The following ST6GALNAC3 variants were observed in gnomAD, a reference collection of about 807,000 sequenced individuals.
The protein encoded by ST6GALNAC3 is alpha-N-acetylgalactosaminide alpha-2,6-sialyltransferase 3.
In ST6GALNAC3, 25 loss-of-function variants were observed where a neutral mutation model predicts 32.7. The observed-to-expected ratio is 0.76, with a 90% CI of 0.56 to 1.07. ST6GALNAC3 has a LOEUF of 1.07. Ranked by LOEUF, ST6GALNAC3 falls within the 50% of genes least tolerant of loss-of-function variation. ST6GALNAC3 has a pLI of 0.00. For missense variants in ST6GALNAC3, 355 were observed against 382.4 expected (o/e 0.93, Z 0.60); for synonymous variants, 129 against 133.1 (o/e 0.97, Z 0.21).
chr1:76,518,990 C>T (rs896653696), intron 3 of ST6GALNAC3, among the ~76,000 whole-genome samples: 12 of 152,030 alleles, frequency 7.9e-5, no homozygotes, highest in Non-Finnish European at 1.6e-4. Flanking sequence ...CACTTGAACC[C>T]GGAAGGCAGA....
chr1:76,209,334 T>C (rs1390344240), intron 1 of ST6GALNAC3, among the ~76,000 whole-genome samples: 1 of 152,210 alleles, frequency 6.6e-6, no homozygotes, highest in Non-Finnish European at 1.5e-5. Flanking sequence ...CTTCATAAGC[T>C]CTGGCTTTTA....
At chr1:76,354,792 G>A (rs868456986) in intron 2 of ST6GALNAC3, among the ~76,000 whole-genome samples, 5 of 152,098 alleles carry the variant, frequency 3.3e-5, no homozygotes, top group Admixed American at 6.6e-5. Context: ...ACAATTCCAC[G>A]TTTATCTACA....
chr1:76,375,887 G>A (rs962769760), intron 2 of ST6GALNAC3, among the ~76,000 whole-genome samples: 1 of 152,168 alleles, frequency 6.6e-6, no homozygotes, highest in South Asian at 2.1e-4. Flanking sequence ...AGGGGAAAGT[G>A]TGCATAGTGT....
intron 3 of ST6GALNAC3, among the ~76,000 whole-genome samples, chr1:76,552,899 A>G (rs1664720200): frequency 6.6e-6 from 1 of 152,172 alleles, no homozygotes; most frequent in Non-Finnish European, 1.5e-5. Flanking sequence ...CAAGTTTAGA[A>G]AGTTACCTTT....
intron 2 of ST6GALNAC3, among the ~76,000 whole-genome samples, chr1:76,369,362 C>T (rs907956308): frequency 3.9e-5 from 6 of 152,162 alleles, no homozygotes; most frequent in African/African-American, 7.2e-5. Flanking sequence ...GCAGGTAGAA[C>T]AACAACTAAT....
chr1:76,328,913 T>C (rs1647133146), intron 2 of ST6GALNAC3, among the ~76,000 whole-genome samples: 1 of 152,218 alleles, frequency 6.6e-6, no homozygotes, highest in South Asian at 2.1e-4. Flanking sequence ...TGACTCCAAT[T>C]GCCCTCATCA....
At chr1:76,317,075 A>C (rs1334337783) in intron 2 of ST6GALNAC3, among the ~76,000 whole-genome samples, 2 of 152,168 alleles carry the variant, frequency 1.3e-5, no homozygotes, top group Non-Finnish European at 2.9e-5. Context: ...AAAATTTTGC[A>C]TGAAAGTTGA....
chr1:76,105,725 C>G (rs988633063), intron 1 of ST6GALNAC3, among the ~76,000 whole-genome samples: 1 of 152,078 alleles, frequency 6.6e-6, no homozygotes, highest in African/African-American at 2.4e-5. Context: ...TACTATTTGC[C>G]TCAAGTGAGT....
chr1:76,282,018 A>G (rs1374003238), intron 1 of ST6GALNAC3, among the ~76,000 whole-genome samples: 1 of 152,194 alleles, frequency 6.6e-6, no homozygotes, highest in South Asian at 2.1e-4. Context: ...TGCATGAAAA[A>G]TAGACTTTTA....
intron 1 of ST6GALNAC3, among the ~76,000 whole-genome samples, chr1:76,208,642 A>T (rs1654967662): frequency 6.6e-6 from 1 of 152,156 alleles, no homozygotes; most frequent in Non-Finnish European, 1.5e-5. Context: ...CCCACATATG[A>T]GTCCATATAG....
intron 1 of ST6GALNAC3, among the ~76,000 whole-genome samples, chr1:76,257,059 T>G (rs1657964051): frequency 6.6e-6 from 1 of 152,176 alleles, no homozygotes; most frequent in South Asian, 2.1e-4. Flanking sequence ...GGGAATTTTC[T>G]TATCTGTTAC....
chr1:76,529,279 C>G (rs773987680), intron 3 of ST6GALNAC3, among the ~76,000 whole-genome samples: 3 of 152,074 alleles, frequency 2.0e-5, no homozygotes, highest in Non-Finnish European at 2.9e-5. Flanking sequence ...TAATTATTTT[C>G]TTCCTTCTTT....
At chr1:76,084,312 T>C (rs2100730651) in intron 1 of ST6GALNAC3, among the ~76,000 whole-genome samples, 1 of 152,350 alleles carries the variant, frequency 6.6e-6, no homozygotes, top group South Asian at 2.1e-4. Context: ...CTTGAAATTT[T>C]ATCTGAAAAT....
chr1:76,302,987 G>T lies in ST6GALNAC3; in HGVS notation c.19-10818G>T, dbSNP rs1302761086. 2.0e-5 allele frequency among the ~76,000 whole-genome samples: 3 copies of T among 151,962 alleles called. No homozygotes were observed. In the East Asian group the frequency reaches 5.8e-4, roughly 29 times the overall value. On this transcript the variant is annotated intron_variant, in intron 1 of 4. Transcript: ENST00000328299. ...AATACCCCCTAGAGGTTTCCCATTA[G>T]CCTGATGTAAATGAAGTGGTGTTCA... is the stretch of plus-strand genomic sequence containing the variant.
At chr1:76,511,543 G>A (rs936982736) in intron 3 of ST6GALNAC3, among the ~76,000 whole-genome samples, 4 of 152,138 alleles carry the variant, frequency 2.6e-5, no homozygotes, top group Admixed American at 6.6e-5. Flanking sequence ...GTTCTCCCCG[G>A]TAGGTTTAAA....
At chr1:76,351,133 G>T (rs1648943343) in intron 2 of ST6GALNAC3, among the ~76,000 whole-genome samples, 1 of 151,932 alleles carries the variant, frequency 6.6e-6, no homozygotes, top group Non-Finnish European at 1.5e-5. Context: ...ACAAAGATTC[G>T]GCTACATTTT....
intron 1 of ST6GALNAC3, among the ~76,000 whole-genome samples, chr1:76,277,568 A>ATATG: frequency 1.9e-5 from 1 of 51,656 alleles, no homozygotes; most frequent in South Asian, 6.2e-4. Flanking sequence ...ATATATATAT[A>ATATG]CACACACACA....
intron 3 of ST6GALNAC3, among the ~76,000 whole-genome samples, chr1:76,498,384 A>G (rs548946047): frequency 3.1e-4 from 47 of 152,308 alleles, no homozygotes; most frequent in African/African-American, 1.1e-3. Context: ...CTAAACACCA[A>G]TCTCTACTAC....
At chr1:76,153,448 G>C (rs1651182241) in intron 1 of ST6GALNAC3, among the ~76,000 whole-genome samples, 1 of 152,170 alleles carries the variant, frequency 6.6e-6, no homozygotes, top group East Asian at 1.9e-4. Context: ...CCGCCAGAGA[G>C]CTGTCCCCAA....
Sources: allele counts gnomAD v4.1 joint callset (sites outside exome capture counted in the v4.1 genomes callset), GRCh38; gene constraint gnomAD v4.1.1; transcripts MANE v1.5; gene names NCBI Gene and HGNC (gene_info 2026-07-23, HGNC 2026-07-21).